Variants in RABGAP1L observed in about 807,000 individuals in gnomAD.
RABGAP1L encodes the protein RAB GTPase activating protein 1 like.
RABGAP1L carries 63 observed loss-of-function variants against 137.7 expected under a neutral mutation model. The ratio of observed to expected loss-of-function variants is 0.46; its 90% CI spans 0.37 to 0.56. The LOEUF (loss-of-function observed/expected upper bound fraction) is 0.56. Among genes scored for constraint, RABGAP1L ranks in the 20% least tolerant of loss-of-function variants. The pLI is 0.00. For synonymous variants in RABGAP1L, 431 were observed against 433.7 expected (o/e 0.99, Z 0.08); for missense variants, 1,095 against 1,244.0 (o/e 0.88, Z 1.80).
At chr1:174,372,467 T>C (rs1377322700) in intron 12 of RABGAP1L, among the ~76,000 whole-genome samples, 1 of 152,092 alleles carries the variant, frequency 6.6e-6, no homozygotes, top group African/African-American at 2.4e-5. Context: ...TAATCGTAGG[T>C]TTTCTGTTAT....
chr1:174,573,408 A>T (rs553349365), intron 13 of RABGAP1L, among the ~76,000 whole-genome samples: 1 of 152,152 alleles, frequency 6.6e-6, no homozygotes, highest in Non-Finnish European at 1.5e-5. Flanking sequence ...TGTTACCATC[A>T]AAAGTCATTA....
chr1:174,929,848 ATT>A (rs58140970), intron 19 of RABGAP1L, among the ~76,000 whole-genome samples: 2,003 of 124,704 alleles, frequency 0.016, 55 homozygotes, highest in African/African-American at 0.055. Flanking sequence ...GCAAAATTTA[ATT>A]TTTTTTTTTT....
intron 15 of RABGAP1L, among the ~76,000 whole-genome samples, chr1:174,694,814 C>T (rs1398351776): frequency 5.3e-5 from 8 of 151,234 alleles, no homozygotes; most frequent in South Asian, 2.1e-4. Context: ...ACAGTCCCAC[C>T]GACAGTGTAA....
chr1:174,683,135 T>C (rs1321686622), intron 14 of RABGAP1L, among the ~76,000 whole-genome samples: 1 of 150,372 alleles, frequency 6.7e-6, no homozygotes, highest in Non-Finnish European at 1.5e-5. Context: ...TATCAAGATT[T>C]CCCCCTTTTA....
intron 13 of RABGAP1L, among the ~76,000 whole-genome samples, chr1:174,472,494 A>G (rs980909370): frequency 6.6e-6 from 1 of 152,222 alleles, no homozygotes; most frequent in African/African-American, 2.4e-5. Flanking sequence ...CCTCATTGCT[A>G]TATTTATTAC....
intron 17 of RABGAP1L, among the ~76,000 whole-genome samples, chr1:174,716,816 C>T (rs185160047): frequency 2.6e-5 from 4 of 152,258 alleles, no homozygotes; most frequent in Admixed American, 2.6e-4. Context: ...TCCTCTGGCT[C>T]ATTGACCTAT....
At chr1:174,391,095 A>C (rs1687177590) in intron 12 of RABGAP1L, among the ~76,000 whole-genome samples, 1 of 152,168 alleles carries the variant, frequency 6.6e-6, no homozygotes, top group Non-Finnish European at 1.5e-5. Context: ...TCCACAGTGA[A>C]AGGAGTGAAA....
rs201615958 is a variant in RABGAP1L at position 174,394,119 on chromosome 1, G to A, written c.1684G>A (p.Asp562Asn). 552 of 1,613,482 alleles carry A rather than the reference G, an allele frequency of 3.4e-4. 2 individuals are homozygous for A. The highest frequency in any genetic ancestry group is 1.6e-4 in the Middle Eastern group (1 of 6,074). Residue 562 changes from aspartate to asparagine, a missense_variant, in exon 13 of 26, where the codon GAT becomes AAT. This residue lies in a region of RABGAP1L where 315 missense variants were observed against 324.8 expected (regional missense o/e 0.97). Coordinates refer to ENST00000681986, the MANE Select transcript of RABGAP1L (RefSeq NM_001366446.1). ...CTGCCATGACAACCAGGCAATGCTG[G>A]ATAGATACCGAATTCTTATCACAAA... ...AGCHDNQAML[D>N]RYRILITKDS...
rs1277572502 is a variant in RABGAP1L, at chr1:174,993,950, T to TA, written c.*3949_*3950insA. On this transcript the variant is annotated 3_prime_UTR_variant, in exon 26 of 26. Transcript: ENST00000681986. The stretch of plus-strand genomic sequence containing the variant: ...GGAAGAATTTTATATAGAGTATCTC[T>TA]GCTGCTTTTGTTTACCTGGGTACCA... The TA allele has an allele frequency of 6.6e-6, 1 of 152,254 alleles. No individual in the cohort carries two copies. The highest frequency in any genetic ancestry group is 1.5e-5 in the Non-Finnish European group (1 of 68,040). 9.4% of individuals were successfully genotyped at this position (152,254 alleles called of 1,614,324 possible).
chr1:174,527,842 G>T (rs1664034985), intron 13 of RABGAP1L, among the ~76,000 whole-genome samples: 1 of 150,076 alleles, frequency 6.7e-6, no homozygotes, highest in Non-Finnish European at 1.5e-5. Flanking sequence ...AATATATTTA[G>T]AACCATTATA....
chr1:174,438,811 G>T (rs938548804), intron 13 of RABGAP1L, among the ~76,000 whole-genome samples: 2 of 129,446 alleles, frequency 1.5e-5, no homozygotes, highest in Non-Finnish European at 1.6e-5. Flanking sequence ...ACATTTTATA[G>T]TTTTCAGAGT....
intron 1 of RABGAP1L, among the ~76,000 whole-genome samples, chr1:174,191,940 T>C (rs1667239858): frequency 6.6e-6 from 1 of 152,210 alleles, no homozygotes; most frequent in Admixed American, 6.5e-5. Context: ...AAAATTGGAA[T>C]TAGAATGTAG....
chr1:174,595,633 C>A (rs140863038), intron 13 of RABGAP1L, among the ~76,000 whole-genome samples: 53,489 of 148,710 alleles, frequency 0.36, 12,892 homozygotes, highest in African/African-American at 0.69. Flanking sequence ...GTCAGTGTGC[C>A]CCTGCTGGGG....
chr1:174,274,748 G>A (rs141364754), intron 8 of RABGAP1L, among the ~76,000 whole-genome samples: 20 of 151,820 alleles, frequency 1.3e-4, no homozygotes, highest in Admixed American at 4.6e-4. Flanking sequence ...TGGTCCCTGC[G>A]CTCAAGCTAC....
intron 14 of RABGAP1L, among the ~76,000 whole-genome samples, chr1:174,643,029 C>G (rs1319222203): frequency 6.6e-6 from 1 of 152,050 alleles, no homozygotes; most frequent in African/African-American, 2.4e-5. Flanking sequence ...GGACAATTCG[C>G]CTGCCTCGGT....
At chr1:174,392,811 G>T (rs1647313527) in intron 12 of RABGAP1L, among the ~76,000 whole-genome samples, 1 of 152,138 alleles carries the variant, frequency 6.6e-6, no homozygotes, top group South Asian at 2.1e-4. Flanking sequence ...GACTTTCGAG[G>T]CTCAAAACTT....
intron 18 of RABGAP1L, among the ~76,000 whole-genome samples, chr1:174,791,702 A>AT (rs1449469103): frequency 6.6e-6 from 1 of 152,196 alleles, no homozygotes; most frequent in African/African-American, 2.4e-5. Flanking sequence ...ATAGCATTCC[A>AT]TTTTCAAGCC....
chr1:174,684,894 C>T (rs539637545), intron 15 of RABGAP1L, among the ~76,000 whole-genome samples: 4 of 152,150 alleles, frequency 2.6e-5, no homozygotes, highest in Non-Finnish European at 5.9e-5. Flanking sequence ...AGTGGGAGGA[C>T]CACTTGAGCC....
rs760181639 is a variant in RABGAP1L, at chr1:174,833,449, G to GATATATATATATAT, written c.2340+21495_2340+21508dup. ...ATATATATATGTGTGTGTGTGTAGA[G>GATATATATATATAT]ATATATATATATATATATAGTAGAG... On this transcript the variant is annotated intron_variant, in intron 19 of 25. Transcript: ENST00000681986. Among the ~76,000 whole-genome samples the GATATATATATATAT allele has an allele frequency of 4.2e-3, 117 of 27,788 alleles. 17 individuals carry two copies. Among genetic ancestry groups the GATATATATATATAT allele is most frequent in the South Asian group, 0.021 (5 of 240 alleles). The allele number at this position is 27,788 out of a possible 152,430, so 18.2% of individuals were successfully genotyped here. A position where few individuals can be genotyped will look rare whatever the true frequency, so the allele number is the denominator to read the frequency against.
Sources: gnomAD v4.1 joint callset for allele counts (sites outside exome capture counted in the v4.1 genomes callset) on GRCh38, gnomAD v4.1.1 for gene constraint, gnomAD v4.1.1 regional missense constraint, MANE v1.5 for transcripts, NCBI Gene and HGNC (gene_info 2026-07-23, HGNC 2026-07-21) for gene names.